The following NOL8 variants were observed in gnomAD, a reference collection of about 807,000 sequenced individuals.
NOL8 encodes nucleolar protein Nop132.
In NOL8, 93 loss-of-function variants were observed where a neutral mutation model predicts 116.1. The observed-to-expected ratio is 0.80, with a 90% CI of 0.68 to 0.95. The LOEUF is 0.95. Ranked by LOEUF, NOL8 falls within the 40% of genes least tolerant of loss-of-function variation. NOL8 has a pLI of 0.00. For synonymous variants in NOL8, 419 were observed against 469.0 expected (o/e 0.89, Z 1.38); for missense variants, 1,291 against 1,382.8 (o/e 0.93, Z 1.05).
chr9:92,321,552 T>C, intron 4 of NOL8, 116 bp downstream of exon 4: 1 of 643,278 alleles, frequency 1.6e-6, no homozygotes, highest in Non-Finnish European at 2.6e-6. Flanking sequence ...GCTCTACTTA[T>C]ATGTTTGAAT....
Position 92,299,959 on chromosome 9 carries a change from C to G in NOL8, c.3233G>C (p.Arg1078Pro), listed in dbSNP as rs752440683. 6.2e-7 allele frequency: 1 copy of G among 1,613,572 alleles called. No homozygotes were observed. Among genetic ancestry groups the G allele is most frequent in the Non-Finnish European group, 8.5e-7 (1 of 1,179,636 alleles). The change falls in exon 14 of 17, where the codon CGT becomes CCT. Residue 1078 changes from arginine (R) to proline (P), a missense_variant. Coordinates refer to ENST00000442668, the MANE Select transcript of NOL8 (RefSeq NM_017948.6). The stretch of plus-strand genomic sequence containing the variant: ...CTCTTCTGAACTGCTGTCTTGTAAA[C>G]GAGGGTCTTCCTGCCAGACAATCTT... ...PGKIVWQEDP[R>P]LQDSSSEEED...
chr9:92,310,655 TGA>T lies in NOL8; in HGVS notation c.2491_2492del (p.Ser831ArgfsTer5). ...CATCACTGCTATCAAACAGCTTCCC[TGA>T]TGTTTTACCCATAGACTCCTGTGAA... ...EWVKESMGKT[S>X]GKLFDSSDDD... On this transcript the variant is annotated frameshift_variant, in exon 9 of 17. Transcript: ENST00000442668. LOFTEE classifies it high-confidence loss of function. 1 of 1,610,978 alleles carries T rather than the reference TGA, an allele frequency of 6.2e-7. No individual in the cohort carries two copies. Among genetic ancestry groups the T allele is most frequent in the Non-Finnish European group, 8.5e-7 (1 of 1,178,834 alleles).
At position 92,315,309 on chromosome 9, in the gene NOL8, C is replaced by G. The variant is rs766743819; in HGVS notation, c.1316G>C (p.Ser439Thr). 4.3e-5 allele frequency: 69 copies of G among 1,613,844 alleles called. No individual in the cohort carries two copies. The highest frequency in any genetic ancestry group is 5.5e-5 in the Non-Finnish European group (65 of 1,179,872). ...KRKSNVESAL[S>T]HGLKSLNRKS... is the part of the protein sequence containing the mutation. ...ACGATTAAGAGACTTTAATCCATGA[C>G]TGAGGGCTGACTCTACATTGCTTTT... Residue 439 changes from serine to threonine, a missense_variant, in exon 7 of 17, where the codon AGT becomes ACT. Transcript: ENST00000442668.
At chr9:92,309,714 T>C (rs780799700) in intron 10 of NOL8, among the ~76,000 whole-genome samples, 4 of 152,064 alleles carry the variant, frequency 2.6e-5, no homozygotes, top group Non-Finnish European at 5.9e-5. Flanking sequence ...CTTAGATACA[T>C]TCAAACAGGG....
chr9:92,321,499 G>C (rs1839920101), intron 4 of NOL8, among the ~76,000 whole-genome samples, 169 bp downstream of exon 4: 1 of 151,978 alleles, frequency 6.6e-6, no homozygotes, highest in South Asian at 2.1e-4. Context: ...TATCCTTTTT[G>C]TTCGTCTGGG....
chr9:92,311,221 G>A lies in NOL8; in HGVS notation c.2397C>T (p.Phe799=), dbSNP rs777859918. The A allele has an allele frequency of 1.3e-4, 203 of 1,613,670 alleles. No individual in the cohort carries two copies. The highest frequency in any genetic ancestry group is 2.0e-4 in the Admixed American group (12 of 59,994). ...CTGTTTCACATTCACTGTCAGAACC[G>A]AAGATGATGTGCGTTGGCTTATCCT... ...HPEDKPTHII[F]GSDSECETEE... Residue 799 remains phenylalanine (F), a synonymous_variant, in exon 8 of 17, where the codon TTC becomes TTT. Transcript: ENST00000442668.
At chr9:92,320,560 CT>C (rs1239925880) in intron 4 of NOL8, among the ~76,000 whole-genome samples, 1 of 151,808 alleles carries the variant, frequency 6.6e-6, no homozygotes, top group Non-Finnish European at 1.5e-5. Context: ...CTGGAACAAG[CT>C]TATCAACTCT....
Position 92,310,619 on chromosome 9 carries a change from A to T in NOL8, c.2529T>A (p.Ser843=), listed in dbSNP as rs377610391. ...ACCTATTACTGTCATCTTCAGAATC[A>T]GATTCGTCATCATCACTGCTATCAA... ...KLFDSSDDDE[S]DSEDDSNRFK... The change falls in exon 9 of 17, where the codon TCT becomes TCA. Residue 843 remains serine (S), a synonymous_variant. Transcript: ENST00000442668. The T allele has an allele frequency of 2.4e-5, 38 of 1,613,216 alleles. No homozygotes were observed. The African/African-American group carries it at 4.5e-4, about 19-fold the overall frequency.
Position 92,315,839 on chromosome 9 carries a change from A to T in NOL8, c.786T>A (p.Ile262=). The change falls in exon 7 of 17, where the codon ATT becomes ATA. Residue 262 remains isoleucine, a synonymous_variant. Coordinates refer to ENST00000442668, the MANE Select transcript of NOL8 (RefSeq NM_017948.6). The part of the protein sequence containing the change: ...QAAQKRTCDS[I]TPSKSSPVPV... ...GTACAGGAGATGATTTAGAAGGAGT[A>T]ATGGAATCACAAGTTCTTTTTTGTG... is the stretch of plus-strand genomic sequence containing the variant. The T allele has an allele frequency of 6.2e-7, 1 of 1,613,970 alleles. No homozygotes were observed. The highest frequency in any genetic ancestry group is 1.7e-4 in the Middle Eastern group (1 of 6,060).
intron 13 of NOL8, chr9:92,300,425 A>T: frequency 7.1e-6 from 7 of 988,964 alleles, no homozygotes; most frequent in Non-Finnish European, 8.4e-6. Context: ...AAAGGAATAT[A>T]TCTTTACATT....
intron 5 of NOL8, 117 bp from the exon 6 acceptor site, chr9:92,318,803 G>T: frequency 1.6e-6 from 1 of 630,546 alleles, no homozygotes; most frequent in Non-Finnish European, 2.6e-6. Flanking sequence ...GTTGGGTTTA[G>T]TTTTCTGACA....
At chr9:92,318,923 C>T (rs1588000704) in intron 5 of NOL8, 2 of 508,994 alleles carry the variant, frequency 3.9e-6, no homozygotes, top group Middle Eastern at 5.0e-4. Flanking sequence ...TTACAAAAAA[C>T]ACTGGCTGCT....
chr9:92,314,806 C>A lies in NOL8; in HGVS notation c.1819G>T (p.Asp607Tyr). The A allele has an allele frequency of 6.2e-7, 1 of 1,613,464 alleles. No individual in the cohort carries two copies. Among genetic ancestry groups the A allele is most frequent in the Non-Finnish European group, 8.5e-7 (1 of 1,179,744 alleles). ...NKDQNSMKHE[D>Y]PSIISMEDGS... is the part of the protein sequence containing the mutation. ...TCTTCCATGGATATGATACTGGGAT[C>A]CTCATGTTTCATGGAATTCTGATCT... The change falls in exon 7 of 17, where the codon GAT becomes TAT. Residue 607 changes from aspartate to tyrosine, a missense_variant. Transcript: ENST00000442668.
At chr9:92,318,249 T>G (rs1839606594) in intron 6 of NOL8, among the ~76,000 whole-genome samples, 1 of 152,104 alleles carries the variant, frequency 6.6e-6, no homozygotes, top group African/African-American at 2.4e-5. Context: ...CTCCCAAGAC[T>G]ACTTCCCATC....
chr9:92,307,494 GTAT>G (rs563776718), intron 10 of NOL8, among the ~76,000 whole-genome samples: 298 of 152,190 alleles, frequency 2.0e-3, no homozygotes, highest in African/African-American at 6.9e-3. Context: ...TCAATAACAA[GTAT>G]TATGGGAAAA....
At chr9:92,298,680 T>A in intron 15 of NOL8, 1 of 473,342 alleles carries the variant, frequency 2.1e-6, no homozygotes, top group Non-Finnish European at 3.7e-6. Flanking sequence ...AACAACCCTT[T>A]GTTGATGAGA....
chr9:92,322,620 G>T (rs759667547), intron 3 of NOL8, among the ~76,000 whole-genome samples: 7 of 152,150 alleles, frequency 4.6e-5, no homozygotes, highest in African/African-American at 1.7e-4. Context: ...GCCTCCCAAA[G>T]TATTGCAAAT....
chr9:92,317,219 C>T (rs1321692615), intron 6 of NOL8, among the ~76,000 whole-genome samples: 1 of 152,206 alleles, frequency 6.6e-6, no homozygotes, highest in African/African-American at 2.4e-5. Flanking sequence ...AGTGGCCTCC[C>T]AAAGTGCTGG....
At chr9:92,323,301 T>C (rs1247944868) in intron 3 of NOL8, 140 bp downstream of exon 3, 1 of 1,537,982 alleles carries the variant, frequency 6.5e-7, no homozygotes, top group Non-Finnish European at 8.7e-7. Context: ...AGTTATACGA[T>C]ACTGGAATTC....
Sources: allele counts gnomAD v4.1 joint callset (sites outside exome capture counted in the v4.1 genomes callset), GRCh38; gene constraint gnomAD v4.1.1; transcripts MANE v1.5; gene names NCBI Gene and HGNC (gene_info 2026-07-23, HGNC 2026-07-21).